NKAIN2: variants seen among roughly 807,000 people sequenced by gnomAD.
The protein encoded by NKAIN2 is sodium/potassium-transporting ATPase subunit beta-1-interacting protein 2.
Under a neutral mutation model 32.6 loss-of-function variants are expected in NKAIN2, and 14 were observed. The observed-to-expected ratio is 0.43, with a 90% confidence interval of 0.28 to 0.67. The LOEUF (loss-of-function observed/expected upper bound fraction) is 0.67, where lower values mean the gene tolerates loss of function less well. Among genes scored for constraint, NKAIN2 ranks in the 30% least tolerant of loss-of-function variants. NKAIN2 has a pLI of 0.17. For missense variants in NKAIN2, 198 were observed against 258.3 expected, an observed-to-expected ratio of 0.77 and a Z score of 1.60; for synonymous variants, 80 against 87.2, an observed-to-expected ratio of 0.92 and a Z score of 0.46.
chr6:124,223,064 T>C lies in NKAIN2; in HGVS notation c.55-59941T>C, dbSNP rs929607560. Among the ~76,000 whole-genome samples the C allele has an allele frequency of 7.2e-5, 11 of 151,820 alleles. No homozygotes were observed. The South Asian group carries it at 2.3e-3, about 32-fold the overall frequency. On this transcript the variant is annotated intron_variant, in intron 1 of 6. Coordinates refer to ENST00000368417, the MANE Select transcript of NKAIN2 (RefSeq NM_001040214.3). ...CTGTCTCTACTGAAAATACAAAAAA[T>C]TAGCCGGGCATGGTGGCGGGCACCT... is the stretch of plus-strand genomic sequence containing the variant.
intron 3 of NKAIN2, among the ~76,000 whole-genome samples, chr6:124,497,042 C>T (rs541359672): frequency 2.0e-5 from 3 of 152,162 alleles, no homozygotes; most frequent in South Asian, 2.1e-4. Flanking sequence ...CTAACCACTC[C>T]GGGGTGCCCA....
chr6:124,028,427 A>T (rs995254464), intron 1 of NKAIN2, among the ~76,000 whole-genome samples: 1 of 150,778 alleles, frequency 6.6e-6, no homozygotes, highest in African/African-American at 2.4e-5. Context: ...GCATTAGGAG[A>T]TATACCTAAT....
chr6:123,998,547 A>T (rs2114706169), intron 1 of NKAIN2, among the ~76,000 whole-genome samples: 1 of 152,182 alleles, frequency 6.6e-6, no homozygotes, highest in East Asian at 1.9e-4. Context: ...TCTGGATCCT[A>T]AAATCAAGAC....
intron 1 of NKAIN2, among the ~76,000 whole-genome samples, chr6:124,157,952 A>G (rs1263996935): frequency 6.6e-6 from 1 of 152,216 alleles, no homozygotes; most frequent in East Asian, 1.9e-4. Context: ...GTCCACATTT[A>G]CTCAACCTGC....
intron 1 of NKAIN2, among the ~76,000 whole-genome samples, chr6:124,230,964 G>A (rs956934915): frequency 1.3e-5 from 2 of 152,164 alleles, no homozygotes; most frequent in Non-Finnish European, 2.9e-5. Context: ...AGATCCACTG[G>A]CAGCTTGCGC....
In NKAIN2 at chr6:124,823,430, C is replaced by T; in HGVS notation, c.*201C>T. 3.8e-6 allele frequency: 2 copies of T among 528,636 alleles called. No individual in the cohort carries two copies. The highest frequency in any genetic ancestry group is 3.0e-5 in the Admixed American group (1 of 32,836). The allele number at this position is 528,636 out of a possible 1,614,324, so 32.7% of individuals were successfully genotyped here. On this transcript the variant is annotated 3_prime_UTR_variant, in exon 7 of 7. Coordinates refer to ENST00000368417, the MANE Select transcript of NKAIN2 (RefSeq NM_001040214.3). ...CACGCACACACCAATTCCACTTGAC[C>T]TCCTCTTTCTAACTGAAACAGACAA...
intron 3 of NKAIN2, among the ~76,000 whole-genome samples, chr6:124,604,563 T>C (rs116157931): frequency 0.011 from 1,697 of 151,824 alleles, 26 homozygotes; most frequent in African/African-American, 0.038. Flanking sequence ...TTTCTCTCTA[T>C]GCTTGATAAT....
At chr6:124,347,124 C>G (rs374320882) in intron 2 of NKAIN2, among the ~76,000 whole-genome samples, 1,605 of 145,624 alleles carry the variant, frequency 0.011, 21 homozygotes, top group African/African-American at 0.037. Context: ...GAAATTCTGG[C>G]TTGAAAATTC....
intron 1 of NKAIN2, among the ~76,000 whole-genome samples, chr6:123,822,794 A>G (rs1773979757): frequency 6.6e-6 from 1 of 152,206 alleles, no homozygotes; most frequent in African/African-American, 2.4e-5. Context: ...TTATTTCTCT[A>G]TGCCTCAATT....
At chr6:124,533,268 G>A (rs1260675763) in intron 3 of NKAIN2, among the ~76,000 whole-genome samples, 13 of 151,818 alleles carry the variant, frequency 8.6e-5, no homozygotes, top group Middle Eastern at 6.8e-3. Context: ...CTTGGAGATC[G>A]AGACCATCCT....
At chr6:123,884,011 A>C (rs1424312537) in intron 1 of NKAIN2, among the ~76,000 whole-genome samples, 1 of 151,506 alleles carries the variant, frequency 6.6e-6, no homozygotes, top group Admixed American at 6.6e-5. Context: ...TGTTACATAG[A>C]TAAACTTGTG....
At chr6:124,421,575 ACTAT>A (rs1562173768) in intron 3 of NKAIN2, among the ~76,000 whole-genome samples, 1 of 152,084 alleles carries the variant, frequency 6.6e-6, no homozygotes, top group African/African-American at 2.4e-5. Flanking sequence ...AGTCACTATT[ACTAT>A]CTTTTTTTTG....
At chr6:124,466,875 C>T (rs1004956888) in intron 3 of NKAIN2, among the ~76,000 whole-genome samples, 3 of 151,762 alleles carry the variant, frequency 2.0e-5, no homozygotes, top group Admixed American at 2.0e-4. Context: ...TGAAACTTTC[C>T]AGGTATGAAA....
chr6:124,750,530 T>C (rs59780057), intron 4 of NKAIN2, among the ~76,000 whole-genome samples: 7 of 114,826 alleles, frequency 6.1e-5, no homozygotes, highest in African/African-American at 1.6e-4. Flanking sequence ...GATGGATGGA[T>C]GGATGGATGG....
intron 1 of NKAIN2, among the ~76,000 whole-genome samples, chr6:124,000,940 G>A (rs1208643298): frequency 2.6e-5 from 4 of 152,060 alleles, no homozygotes; most frequent in Non-Finnish European, 5.9e-5. Context: ...GTCTGTAAAA[G>A]CAGTACGTGT....
chr6:124,310,689 C>A (rs984602761), intron 2 of NKAIN2, among the ~76,000 whole-genome samples: 1 of 151,996 alleles, frequency 6.6e-6, no homozygotes, highest in African/African-American at 2.4e-5. Context: ...AAATATGACC[C>A]GAATCTCCAC....
intron 3 of NKAIN2, among the ~76,000 whole-genome samples, chr6:124,569,297 AT>A (rs1325804268): frequency 2.0e-5 from 3 of 151,996 alleles, no homozygotes; most frequent in Non-Finnish European, 2.9e-5. Flanking sequence ...CCTCTCACAG[AT>A]TTTTTTCTAC....
At chr6:124,000,420 C>G (rs1430771715) in intron 1 of NKAIN2, among the ~76,000 whole-genome samples, 3 of 151,596 alleles carry the variant, frequency 2.0e-5, no homozygotes. Context: ...TAAAAGAAGC[C>G]TCAGGAGTGA....
At chr6:124,687,745 C>T (rs7452454) in intron 4 of NKAIN2, among the ~76,000 whole-genome samples, 1,961 of 86,814 alleles carry the variant, frequency 0.023, 38 homozygotes, top group African/African-American at 0.037. Context: ...ATGATATATA[C>T]ACACACACAC....
Sources: gnomAD v4.1 joint callset for allele counts (sites outside exome capture counted in the v4.1 genomes callset) on GRCh38, gnomAD v4.1.1 for gene constraint, MANE v1.5 for transcripts, NCBI Gene and HGNC (gene_info 2026-07-23, HGNC 2026-07-21) for gene names.